The following FAM83B variants were observed in gnomAD, a reference collection of about 807,000 sequenced individuals.
FAM83B encodes scaffolding CK1 anchoring protein B.
In FAM83B, 26 loss-of-function variants were observed where a neutral mutation model predicts 38.8. That is an observed-to-expected ratio of 0.67 (90% confidence interval 0.49 to 0.93). FAM83B has a LOEUF of 0.93. Ranked by LOEUF, FAM83B falls within the 40% of genes least tolerant of loss-of-function variation. FAM83B has a pLI of 0.00. For synonymous variants in FAM83B, 419 were observed against 423.1 expected (o/e 0.99, Z 0.12); for missense variants, 1,237 against 1,197.3 (o/e 1.03, Z -0.49).
At chr6:54,892,693 A>C (rs1772434298) in intron 2 of FAM83B, among the ~76,000 whole-genome samples, 1 of 149,216 alleles carries the variant, frequency 6.7e-6, no homozygotes, top group African/African-American at 2.4e-5. Flanking sequence ...TATATACATA[A>C]ATATATATAT....
At chr6:54,871,852 A>G (rs1026137587) in intron 2 of FAM83B, among the ~76,000 whole-genome samples, 9 of 151,700 alleles carry the variant, frequency 5.9e-5, no homozygotes, top group Admixed American at 5.3e-4. Context: ...ATTTAGATCT[A>G]AAAGGAACCT....
chr6:54,848,349 GC>G (rs1342005548), intron 1 of FAM83B, among the ~76,000 whole-genome samples: 1 of 152,270 alleles, frequency 6.6e-6, no homozygotes, highest in East Asian at 1.9e-4. Flanking sequence ...TCTAGAGCCT[GC>G]CTAAGGGGCT....
At position 54,922,367 on chromosome 6, in the gene FAM83B, GA is replaced by G. The variant is rs755682916; in HGVS notation, c.445-4003del. 3.9e-5 allele frequency among the ~76,000 whole-genome samples: 6 copies of G among 151,970 alleles called. No homozygotes were observed. The East Asian group carries it at 5.8e-4, about 15-fold the overall frequency. On this transcript the variant is annotated intron_variant, in intron 2 of 4. Transcript: ENST00000306858. ...AAAAAATTAGTGCCAGACTGCACCA[GA>G]CATATGTTTTTATAAGTTATTTTAT...
rs574015439 is a variant in FAM83B, at chr6:54,929,334, CCTT to C, written c.734+1709_734+1711del. Among the ~76,000 whole-genome samples the C allele has an allele frequency of 5.5e-3, 840 of 152,148 alleles. 5 individuals are homozygous for C. Among genetic ancestry groups the C allele is most frequent in the Non-Finnish European group, 9.3e-3 (635 of 67,984 alleles). On this transcript the variant is annotated intron_variant, in intron 4 of 4. Coordinates refer to ENST00000306858, the MANE Select transcript of FAM83B (RefSeq NM_001010872.3). ...TTTCCTCATAGGCAAGTTGAAAATGCCTTCTTCTTTAATTCAGTATTCTTTGCC... is the reference window on the plus strand; with the variant it reads ...TTTCCTCATAGGCAAGTTGAAAATGCCTTCTTTAATTCAGTATTCTTTGCC...
intron 1 of FAM83B, among the ~76,000 whole-genome samples, chr6:54,857,449 C>T (rs988019084): frequency 3.9e-5 from 6 of 152,076 alleles, no homozygotes; most frequent in East Asian, 1.9e-4. Context: ...CCCTGCTTCC[C>T]GTGGTGTTCA....
intron 2 of FAM83B, among the ~76,000 whole-genome samples, chr6:54,883,594 C>T (rs1208770575): frequency 1.3e-5 from 2 of 151,650 alleles, no homozygotes. Flanking sequence ...CCTTGGCCTC[C>T]CAAAGTGCTG....
intron 4 of FAM83B, among the ~76,000 whole-genome samples, chr6:54,930,710 C>A (rs2127589603): frequency 6.6e-6 from 1 of 152,048 alleles, no homozygotes; most frequent in Admixed American, 6.6e-5. Context: ...CTTTCTTGAA[C>A]CTTTCAGAAT....
chr6:54,847,727 G>C (rs930020953), intron 1 of FAM83B, among the ~76,000 whole-genome samples: 9 of 152,162 alleles, frequency 5.9e-5, no homozygotes, highest in Non-Finnish European at 1.2e-4. Flanking sequence ...TTCTTTATAG[G>C]AGGAGGCTGG....
chr6:54,858,338 T>C (rs1771493898), intron 1 of FAM83B, among the ~76,000 whole-genome samples: 1 of 152,182 alleles, frequency 6.6e-6, no homozygotes, highest in Admixed American at 6.5e-5. Flanking sequence ...TGTTGTAAGT[T>C]TTGCCTACCT....
intron 1 of FAM83B, among the ~76,000 whole-genome samples, chr6:54,869,118 T>C (rs553655013): frequency 2.0e-5 from 3 of 152,328 alleles, no homozygotes; most frequent in African/African-American, 7.2e-5. Flanking sequence ...GTGGGCATTG[T>C]GAGAGATGGA....
At chr6:54,893,141 T>C (rs1480431872) in intron 2 of FAM83B, among the ~76,000 whole-genome samples, 2 of 152,268 alleles carry the variant, frequency 1.3e-5, no homozygotes, top group East Asian at 3.9e-4. Context: ...CACTGCCCAG[T>C]CAAGTTCCTC....
At chr6:54,897,948 A>G (rs1035530290) in intron 2 of FAM83B, among the ~76,000 whole-genome samples, 17 of 152,208 alleles carry the variant, frequency 1.1e-4, no homozygotes, top group Admixed American at 1.1e-3. Flanking sequence ...ACATACCTGA[A>G]TTATTACATA....
intron 2 of FAM83B, among the ~76,000 whole-genome samples, chr6:54,880,732 T>C (rs1338178102): frequency 2.6e-5 from 4 of 152,158 alleles, no homozygotes; most frequent in Non-Finnish European, 5.9e-5. Flanking sequence ...TGTGAGCCAC[T>C]GCGCCCAGTC....
chr6:54,876,481 C>T (rs1029931550), intron 2 of FAM83B, among the ~76,000 whole-genome samples: 2 of 151,110 alleles, frequency 1.3e-5, no homozygotes, highest in Non-Finnish European at 3.0e-5. Flanking sequence ...CCCATCACCA[C>T]GCCCGGCTCA....
intron 1 of FAM83B, among the ~76,000 whole-genome samples, chr6:54,858,544 C>T (rs991813110): frequency 1.3e-5 from 2 of 151,314 alleles, no homozygotes; most frequent in African/African-American, 4.9e-5. Flanking sequence ...ATATACATAA[C>T]CATAATTTAT....
intron 2 of FAM83B, among the ~76,000 whole-genome samples, chr6:54,895,835 G>A (rs192470375): frequency 1.2e-3 from 183 of 152,146 alleles, no homozygotes; most frequent in Non-Finnish European, 2.0e-3. Context: ...CCGCCTCCCA[G>A]GTTCAAGTGA....
chr6:54,878,364 A>G (rs1026168937), intron 2 of FAM83B, among the ~76,000 whole-genome samples: 4 of 152,218 alleles, frequency 2.6e-5, no homozygotes, highest in African/African-American at 9.6e-5. Context: ...GGGTTAATCA[A>G]CTAATAAATA....
chr6:54,921,367 G>A (rs931912815), intron 2 of FAM83B, among the ~76,000 whole-genome samples: 1 of 151,024 alleles, frequency 6.6e-6, no homozygotes, highest in African/African-American at 2.4e-5. Context: ...TGTCCTCCGG[G>A]GTCTGGGTCA....
At chr6:54,912,642 T>G (rs1772937083) in intron 2 of FAM83B, among the ~76,000 whole-genome samples, 1 of 151,938 alleles carries the variant, frequency 6.6e-6, no homozygotes, top group South Asian at 2.1e-4. Context: ...TAAATACTTG[T>G]GAGAGGAATA....
Sources: gnomAD v4.1 joint callset for allele counts (sites outside exome capture counted in the v4.1 genomes callset) on GRCh38, gnomAD v4.1.1 for gene constraint, MANE v1.5 for transcripts, NCBI Gene and HGNC (gene_info 2026-07-23, HGNC 2026-07-21) for gene names.